The following MTMR8 variants were observed in gnomAD, a reference collection of about 807,000 sequenced individuals.
MTMR8 encodes myotubularin related protein 8.
Under a neutral mutation model 39.3 loss-of-function variants are expected in MTMR8, and 65 were observed. The observed-to-expected ratio is 1.65, with a 90% confidence interval of 1.35 to 2.03. The LOEUF is 2.03. Ranked by LOEUF, MTMR8 falls within the 30% of genes most tolerant of loss-of-function variation. The pLI is 0.00. For missense variants in MTMR8, 777 were observed against 538.9 expected, an observed-to-expected ratio of 1.44 and a Z score of -4.37; for synonymous variants, 245 against 185.2, an observed-to-expected ratio of 1.32 and a Z score of -2.62.
chrX:64,272,453 A>G (rs916056584), intron 12 of MTMR8, among the ~76,000 whole-genome samples: 7 of 111,355 alleles, frequency 6.3e-5, no homozygotes, highest in African/African-American at 2.0e-4. Flanking sequence ...AGACTCAAAC[A>G]CAGATTATTT....
At chrX:64,373,056 T>A (rs1002985844) in intron 1 of MTMR8, among the ~76,000 whole-genome samples, 1 of 111,863 alleles carries the variant, frequency 8.9e-6, no homozygotes, top group Non-Finnish European at 1.9e-5. Context: ...CTCTACATGT[T>A]ATCTCATTTA....
intron 1 of MTMR8, among the ~76,000 whole-genome samples, chrX:64,379,942 T>G (rs1412954417): frequency 9.0e-6 from 1 of 111,656 alleles, no homozygotes; most frequent in East Asian, 2.8e-4. Flanking sequence ...ATCAGTGTCA[T>G]ACCACTAGAT....
chrX:64,275,319 C>T (rs1931847498), intron 12 of MTMR8, among the ~76,000 whole-genome samples: 1 of 110,382 alleles, frequency 9.1e-6, no homozygotes, highest in African/African-American at 3.3e-5. Flanking sequence ...AGGAAAAGAA[C>T]AAACTAGCCC....
intron 1 of MTMR8, among the ~76,000 whole-genome samples, chrX:64,380,972 A>C (rs182877750): frequency 8.9e-6 from 1 of 111,918 alleles, no homozygotes; most frequent in Admixed American, 9.5e-5. Context: ...TATGTGCCAC[A>C]TTTTCTTAAT....
intron 12 of MTMR8, among the ~76,000 whole-genome samples, chrX:64,277,836 C>T (rs1000268061): frequency 9.0e-6 from 1 of 110,981 alleles, no homozygotes; most frequent in African/African-American, 3.3e-5. Flanking sequence ...CAACTTGGTT[C>T]CATTCTCCTC....
At chrX:64,308,132 C>G (rs1284210851) in intron 12 of MTMR8, among the ~76,000 whole-genome samples, 4 of 108,237 alleles carry the variant, frequency 3.7e-5, no homozygotes, top group African/African-American at 1.3e-4. Flanking sequence ...GCACATGTGC[C>G]CTAAAACTTA....
intron 12 of MTMR8, among the ~76,000 whole-genome samples, chrX:64,301,473 T>C (rs1415369444): frequency 9.4e-6 from 1 of 106,547 alleles, no homozygotes; most frequent in East Asian, 3.0e-4. Flanking sequence ...TAGTTATACA[T>C]TCTTCTAAAT....
At chrX:64,328,548 A>G (rs1922857446) in intron 12 of MTMR8, among the ~76,000 whole-genome samples, 1 of 111,828 alleles carries the variant, frequency 8.9e-6, no homozygotes, top group Admixed American at 9.6e-5. Flanking sequence ...CAAATCAACT[A>G]TAATTTCTTA....
rs547815724 is a variant in MTMR8 at position 64,314,726 on chromosome X, G to T, written c.1481+14046C>A. Among the ~76,000 whole-genome samples, 34 of 112,549 alleles carry T rather than the reference G, an allele frequency of 3.0e-4. No homozygotes were observed. In the South Asian group the frequency reaches 9.6e-3, roughly 32 times the overall value. On this transcript the variant is annotated intron_variant, in intron 12 of 13. Coordinates refer to ENST00000374852, the MANE Select transcript of MTMR8 (RefSeq NM_017677.4). ...AGATTGGCCCCACGTACACATGTGCGGTCAAGGCAATGTGGGAAGTGGCCC... is the reference window on the plus strand; with the variant it reads ...AGATTGGCCCCACGTACACATGTGCTGTCAAGGCAATGTGGGAAGTGGCCC...
intron 12 of MTMR8, among the ~76,000 whole-genome samples, chrX:64,284,668 T>C (rs1166228651): frequency 9.0e-6 from 1 of 111,515 alleles, no homozygotes; most frequent in African/African-American, 3.3e-5. Context: ...GGGGCCAATA[T>C]TCAACATTCT....
intron 12 of MTMR8, among the ~76,000 whole-genome samples, chrX:64,309,909 C>A (rs1343899752): frequency 1.8e-5 from 2 of 112,077 alleles, no homozygotes; most frequent in Non-Finnish European, 3.8e-5. Flanking sequence ...AGGTAGTAAT[C>A]TTTTTGCTGG....
chrX:64,368,211 C>T (rs1033773229), intron 1 of MTMR8, among the ~76,000 whole-genome samples: 8 of 111,300 alleles, frequency 7.2e-5, no homozygotes, highest in African/African-American at 2.6e-4. Flanking sequence ...AATGCCATCC[C>T]CATCAAGATA....
chrX:64,370,095 T>C (rs900613630), intron 1 of MTMR8, among the ~76,000 whole-genome samples: 6 of 110,508 alleles, frequency 5.4e-5, no homozygotes, highest in Non-Finnish European at 1.1e-4. Context: ...AAACAAGAGG[T>C]AGCTTTTCAT....
In MTMR8 at chrX:64,268,554, A is replaced by G; in HGVS notation, c.2098T>C (p.Tyr700His). 9.1e-6 allele frequency: 11 copies of G among 1,207,124 alleles called. No homozygotes were observed. The highest frequency in any genetic ancestry group is 1.2e-5 in the Non-Finnish European group (11 of 893,637). ...ISKASTKEADYSKHQ is the reference protein window; with the variant it reads ...ISKASTKEADHSKHQ ...TAACTAACTCACTGATGCTTGGAGT[A>G]GTCTGCCTCCTTGGTGCTGGCCTTG... Residue 700 changes from tyrosine (Y) to histidine (H), a missense_variant, in exon 14 of 14, where the codon TAC becomes CAC. By Grantham distance (83) the Tyr-to-His change is moderately conservative. Coordinates refer to ENST00000374852, the MANE Select transcript of MTMR8 (RefSeq NM_017677.4).
At chrX:64,285,331 TAGAGACCTATAA>T (rs749441078) in intron 12 of MTMR8, among the ~76,000 whole-genome samples, 15 of 111,182 alleles carry the variant, frequency 1.3e-4, no homozygotes, top group African/African-American at 4.6e-4. Context: ...AGCAAGTCCT[TAGAGACCTATAA>T]AGAGACTTAG....
intron 12 of MTMR8, among the ~76,000 whole-genome samples, chrX:64,284,252 A>C (rs1458044316): frequency 1.8e-5 from 2 of 112,189 alleles, no homozygotes; most frequent in Non-Finnish European, 3.8e-5. Flanking sequence ...AATGAAATGA[A>C]GTGAGAAGAG....
Position 64,345,127 on chromosome X carries a change from G to A in MTMR8, c.783C>T (p.Asp261=), listed in dbSNP as rs1272092697. 3 of 1,209,201 alleles carry A rather than the reference G, an allele frequency of 2.5e-6. No homozygotes were observed. In the African/African-American group the frequency reaches 5.2e-5, roughly 21 times the overall value. ...RAAGKGYENE[D]NYANIRFRFM... ...ATCTGAAGCGAATGTTGGCATAGTT[G>A]TCTTCATTTTCATACCCCTTCCCAG... The change falls in exon 7 of 14, where the codon GAC becomes GAT. Residue 261 remains aspartate (D), a synonymous_variant. Transcript: ENST00000374852.
chrX:64,271,004 G>A lies in MTMR8; in HGVS notation c.1551C>T (p.Leu517=), dbSNP rs200789140. Residue 517 remains leucine (L), a synonymous_variant, in exon 13 of 14, where the codon CTC becomes CTT. Transcript: ENST00000374852. The part of the protein sequence containing the change: ...LQPKQSMLES[L]LEIKKQRAML... Reference sequence around the variant, plus strand: ...TTGCTCTCTGTTTCTTAATTTCCAGGAGGCTCTCTAGCATACTCTGCTTGG... The same window carrying A: ...TTGCTCTCTGTTTCTTAATTTCCAGAAGGCTCTCTAGCATACTCTGCTTGG... 1.5e-5 allele frequency: 18 copies of A among 1,209,756 alleles called. No homozygotes were observed. In the South Asian group the frequency reaches 2.6e-4, roughly 18 times the overall value.
intron 12 of MTMR8, among the ~76,000 whole-genome samples, chrX:64,291,705 C>T (rs1602111068): frequency 8.9e-6 from 1 of 111,820 alleles, no homozygotes; most frequent in African/African-American, 3.2e-5. Context: ...CAAAACAACC[C>T]TGGACGACCT....
Sources: allele counts gnomAD v4.1 joint callset (sites outside exome capture counted in the v4.1 genomes callset), GRCh38; gene constraint gnomAD v4.1.1; transcripts MANE v1.5; gene names NCBI Gene and HGNC (gene_info 2026-07-23, HGNC 2026-07-21).